Variants in ERC2 observed in about 807,000 individuals in gnomAD.
ERC2 encodes the protein ERC protein 2.
ERC2 carries 42 observed loss-of-function variants against 114.8 expected under a neutral mutation model. That is an observed-to-expected ratio of 0.37 (90% CI 0.29 to 0.47). The LOEUF is 0.47. Among genes scored for constraint, ERC2 ranks in the 20% least tolerant of loss-of-function variants. The pLI, the probability that ERC2 is intolerant of heterozygous loss-of-function variation, is 0.99. For synonymous variants in ERC2, 454 were observed against 425.5 expected (o/e 1.07, Z -0.82); for missense variants, 939 against 1,150.7 (o/e 0.82, Z 2.66).
rs1575625266 is a variant in ERC2 at position 55,796,915 on chromosome 3, G to A, written c.2565-61997C>T. Among the ~76,000 whole-genome samples, 3 of 151,860 alleles carry A rather than the reference G, an allele frequency of 2.0e-5. No homozygotes were observed. In the East Asian group the frequency reaches 5.8e-4, roughly 29 times the overall value. ...TTTAAATAAAACAACAACCAAAAGG[G>A]GAAACAAAAAGGCCATTTTTTTTCC... On this transcript the variant is annotated intron_variant, in intron 14 of 17. Coordinates refer to ENST00000288221, the MANE Select transcript of ERC2 (RefSeq NM_015576.3).
rs563254695 is a variant in ERC2, at chr3:56,297,898, C to T, written c.658-1463G>A. 2.6e-5 allele frequency among the ~76,000 whole-genome samples: 4 copies of T among 152,310 alleles called. No homozygotes were observed. In the East Asian group the frequency reaches 7.7e-4, roughly 29 times the overall value. Reference sequence around the variant, plus strand: ...ACCCAGAAACTAGCACTGGGTGATGCACCATCTTGATTATATTGTTTCTGG... The same window carrying T: ...ACCCAGAAACTAGCACTGGGTGATGTACCATCTTGATTATATTGTTTCTGG... On this transcript the variant is annotated intron_variant, in intron 2 of 17. Transcript: ENST00000288221.
intron 17 of ERC2, among the ~76,000 whole-genome samples, chr3:55,644,428 G>A (rs991871457): frequency 3.9e-5 from 6 of 152,110 alleles, no homozygotes; most frequent in African/African-American, 1.2e-4. Flanking sequence ...AAGTGTGGAC[G>A]TAAGCCTTAG....
At chr3:55,605,691 A>G (rs1208070955) in intron 17 of ERC2, among the ~76,000 whole-genome samples, 2 of 152,220 alleles carry the variant, frequency 1.3e-5, no homozygotes, top group African/African-American at 4.8e-5. Context: ...TTATTACAAT[A>G]CTGCCTCAAT....
chr3:55,984,139 C>G (rs1461459745), intron 12 of ERC2, among the ~76,000 whole-genome samples: 1 of 152,116 alleles, frequency 6.6e-6, no homozygotes, highest in Admixed American at 6.5e-5. Flanking sequence ...TGATGTAACT[C>G]CTATAGTTCA....
At chr3:56,290,389 T>G (rs552467514) in intron 3 of ERC2, among the ~76,000 whole-genome samples, 23 of 152,316 alleles carry the variant, frequency 1.5e-4, no homozygotes, top group African/African-American at 5.1e-4. Context: ...GGTAAGAAAT[T>G]TACTGTATTA....
At chr3:55,709,609 C>T (rs2063667563) in intron 15 of ERC2, among the ~76,000 whole-genome samples, 1 of 152,198 alleles carries the variant, frequency 6.6e-6, no homozygotes, top group Non-Finnish European at 1.5e-5. Flanking sequence ...CCTTCAAGGG[C>T]TTTGACCTTC....
At chr3:55,639,957 TAAG>T (rs1244077957) in intron 17 of ERC2, among the ~76,000 whole-genome samples, 2 of 151,494 alleles carry the variant, frequency 1.3e-5, no homozygotes, top group Non-Finnish European at 2.9e-5. Context: ...TTGCCTCTAA[TAAG>T]AAGGAGGCAG....
At chr3:56,283,329 T>C (rs2054471318) in intron 3 of ERC2, among the ~76,000 whole-genome samples, 2 of 152,138 alleles carry the variant, frequency 1.3e-5, no homozygotes, top group South Asian at 4.1e-4. Flanking sequence ...GTGGAACACC[T>C]ACATTAAGAG....
intron 1 of ERC2, among the ~76,000 whole-genome samples, chr3:56,462,981 C>G (rs539089329): frequency 6.6e-6 from 1 of 152,138 alleles, no homozygotes; most frequent in African/African-American, 2.4e-5. Flanking sequence ...AATCCCAGCA[C>G]TTTGGGAGGC....
chr3:55,517,133 A>T (rs2052568497), intron 17 of ERC2, among the ~76,000 whole-genome samples: 2 of 152,132 alleles, frequency 1.3e-5, no homozygotes, highest in Non-Finnish European at 2.9e-5. Context: ...TGTAACTAAC[A>T]TTTTTTTAAA....
intron 3 of ERC2, among the ~76,000 whole-genome samples, chr3:56,201,479 G>C (rs1374754605): frequency 1.3e-5 from 2 of 152,156 alleles, no homozygotes; most frequent in Non-Finnish European, 2.9e-5. Flanking sequence ...TTCCTTAATT[G>C]TCTTTTCCTT....
At chr3:55,986,336 C>A (rs1484394105) in intron 11 of ERC2, among the ~76,000 whole-genome samples, 1 of 152,170 alleles carries the variant, frequency 6.6e-6, no homozygotes, top group Non-Finnish European at 1.5e-5. Flanking sequence ...AAGTTCCTAT[C>A]TGTGTGCATA....
intron 13 of ERC2, among the ~76,000 whole-genome samples, chr3:55,904,243 T>C (rs80284383): frequency 2.7e-4 from 41 of 152,218 alleles, no homozygotes; most frequent in Non-Finnish European, 4.4e-4. Context: ...CCAAAATGGA[T>C]ACAGATCATA....
chr3:56,010,618 G>T (rs2149571416), intron 8 of ERC2, 29 bp from the exon 9 acceptor site: 1 of 1,607,108 alleles, frequency 6.2e-7, no homozygotes, highest in Middle Eastern at 1.7e-4. Context: ...AAAAGAAGAG[G>T]TGAGAACCCA....
chr3:56,052,575 T>C (rs898917994), intron 7 of ERC2, among the ~76,000 whole-genome samples: 1 of 152,188 alleles, frequency 6.6e-6, no homozygotes, highest in Non-Finnish European at 1.5e-5. Flanking sequence ...TGAGGAGATA[T>C]TTAAATTCTG....
intron 3 of ERC2, among the ~76,000 whole-genome samples, chr3:56,177,752 T>G (rs2083059320): frequency 6.6e-6 from 1 of 152,210 alleles, no homozygotes; most frequent in Non-Finnish European, 1.5e-5. Context: ...GGTATGCTGC[T>G]TCCCCTCTCT....
At chr3:56,201,805 A>T (rs745856117) in intron 3 of ERC2, among the ~76,000 whole-genome samples, 1 of 152,232 alleles carries the variant, frequency 6.6e-6, no homozygotes, top group Non-Finnish European at 1.5e-5. Context: ...ATTCATAATA[A>T]AATAGTTCCC....
At chr3:56,399,759 C>T (rs1215294697) in intron 2 of ERC2, among the ~76,000 whole-genome samples, 1 of 144,678 alleles carries the variant, frequency 6.9e-6, no homozygotes, top group Non-Finnish European at 1.6e-5. Flanking sequence ...GCACAAACCT[C>T]TCCCATGAAA....
At chr3:56,397,868 C>T (rs944813984) in intron 2 of ERC2, among the ~76,000 whole-genome samples, 7 of 152,208 alleles carry the variant, frequency 4.6e-5, no homozygotes, top group Non-Finnish European at 1.0e-4. Flanking sequence ...CACCCATGGT[C>T]CCAGACAGCT....
Sources: allele counts gnomAD v4.1 joint callset (sites outside exome capture counted in the v4.1 genomes callset), GRCh38; gene constraint gnomAD v4.1.1; transcripts MANE v1.5; gene names NCBI Gene and HGNC (gene_info 2026-07-23, HGNC 2026-07-21).